UGT1A8: variants seen among roughly 807,000 people sequenced by gnomAD.
The protein encoded by UGT1A8 is UDP-glucuronosyltransferase 1A8.
A neutral mutation model predicts 45.3 loss-of-function variants in UGT1A8; 39 were observed. That is an observed-to-expected ratio of 0.86 (90% CI 0.67 to 1.12). UGT1A8 has a LOEUF of 1.12. Among genes scored for constraint, UGT1A8 ranks in the 50% most tolerant of loss-of-function variants. The pLI, the probability that UGT1A8 is intolerant of heterozygous loss-of-function variation, is 0.00. For synonymous variants in UGT1A8, 275 were observed against 249.2 expected (o/e 1.10, Z -0.97); for missense variants, 719 against 664.9 (o/e 1.08, Z -0.90).
At chr2:233,672,198 G>A (rs200971960) in intron 1 of UGT1A8, 8 of 1,614,126 alleles carry the variant, frequency 5.0e-6, no homozygotes, top group Non-Finnish European at 6.8e-6. Context: ...ATCTGGACCG[G>A]GAGTTCAAGG....
chr2:233,653,700 G>A (rs558191628), intron 1 of UGT1A8, among the ~76,000 whole-genome samples: 106 of 152,282 alleles, frequency 7.0e-4, no homozygotes, highest in African/African-American at 2.5e-3. Flanking sequence ...GAGTTCAAGC[G>A]ATTCTCCTGC....
intron 1 of UGT1A8, chr2:233,692,787 A>C (rs1444664842): frequency 1.5e-6 from 2 of 1,360,804 alleles, no homozygotes; most frequent in Non-Finnish European, 1.9e-6. Context: ...AGCTCAGGTG[A>C]AAGCTGACAC....
intron 1 of UGT1A8, among the ~76,000 whole-genome samples, chr2:233,701,227 A>G (rs1158815086): frequency 1.3e-5 from 2 of 152,172 alleles, no homozygotes; most frequent in African/African-American, 4.8e-5. Flanking sequence ...TCCTTTGGGT[A>G]TATACCCAGT....
intron 1 of UGT1A8, among the ~76,000 whole-genome samples, chr2:233,677,537 GAA>G (rs1343867399): frequency 1.3e-5 from 2 of 151,982 alleles, no homozygotes; most frequent in Admixed American, 1.3e-4. Context: ...GCTAGCTAGA[GAA>G]AAGAAAATGT....
chr2:233,739,185 T>C (rs1265092555), intron 1 of UGT1A8: 3 of 152,264 alleles, frequency 2.0e-5, no homozygotes, highest in Admixed American at 2.0e-4. Context: ...AATGCTTGGA[T>C]GTCCAGGCAG....
chr2:233,723,456 C>T (rs548922303), intron 1 of UGT1A8, among the ~76,000 whole-genome samples: 9 of 138,712 alleles, frequency 6.5e-5, no homozygotes, highest in South Asian at 2.7e-4. Flanking sequence ...GTGATCCACC[C>T]GCCTCAGCCT....
chr2:233,677,263 T>G (rs1468746894), intron 1 of UGT1A8, among the ~76,000 whole-genome samples: 1 of 152,192 alleles, frequency 6.6e-6, no homozygotes, highest in Non-Finnish European at 1.5e-5. Context: ...TATCCCTAAG[T>G]ATATCATGTT....
chr2:233,648,035 G>A (rs1429069514), intron 1 of UGT1A8: 2 of 1,594,736 alleles, frequency 1.3e-6, no homozygotes, highest in Non-Finnish European at 1.7e-6. Context: ...TGGCAACTGG[G>A]AAGATCACTG....
intron 1 of UGT1A8, chr2:233,741,673 T>C (rs1691737205): frequency 6.6e-6 from 1 of 151,938 alleles, no homozygotes; most frequent in Non-Finnish European, 1.5e-5. Context: ...TGCTGTTTAT[T>C]GCTTGGGTGC....
chr2:233,711,509 G>T (rs868625477), intron 1 of UGT1A8, among the ~76,000 whole-genome samples: 1 of 152,158 alleles, frequency 6.6e-6, no homozygotes, highest in Non-Finnish European at 1.5e-5. Flanking sequence ...CCTTTCTAGC[G>T]CTCTGTGTCC....
chr2:233,712,400 T>C (rs967947733), intron 1 of UGT1A8, among the ~76,000 whole-genome samples: 4 of 151,972 alleles, frequency 2.6e-5, no homozygotes, highest in Non-Finnish European at 5.9e-5. Context: ...TCAGAGAGAG[T>C]CCTCTTTGAG....
At chr2:233,727,726 T>C (rs1372996162) in intron 1 of UGT1A8, among the ~76,000 whole-genome samples, 1 of 152,208 alleles carries the variant, frequency 6.6e-6, no homozygotes, top group Admixed American at 6.5e-5. Flanking sequence ...CAGACCTTCC[T>C]TTTCTGTGCC....
At chr2:233,757,130 G>A (rs368401609) in intron 1 of UGT1A8, among the ~76,000 whole-genome samples, 1 of 151,410 alleles carries the variant, frequency 6.6e-6, no homozygotes, top group African/African-American at 2.4e-5. Context: ...GAGGAGGAAT[G>A]AGCTTGGACA....
At chr2:233,694,775 G>A (rs2075240400) in intron 1 of UGT1A8, among the ~76,000 whole-genome samples, 1 of 152,170 alleles carries the variant, frequency 6.6e-6, no homozygotes, top group Admixed American at 6.5e-5. Context: ...CAAGGGTGAG[G>A]GGATGGGGAT....
At chr2:233,656,814 G>A (rs1481619314) in intron 1 of UGT1A8, among the ~76,000 whole-genome samples, 1 of 152,116 alleles carries the variant, frequency 6.6e-6, no homozygotes, top group Non-Finnish European at 1.5e-5. Flanking sequence ...TGTGGGAGAC[G>A]GGCGGCACTT....
At chr2:233,737,753 A>G (rs151132399) in intron 1 of UGT1A8, among the ~76,000 whole-genome samples, 3 of 151,992 alleles carry the variant, frequency 2.0e-5, no homozygotes, top group East Asian at 1.9e-4. Context: ...CAGTTTTTCA[A>G]TGTGAACATA....
chr2:233,693,012 G>T, intron 1 of UGT1A8: 1 of 1,614,130 alleles, frequency 6.2e-7, no homozygotes, highest in Non-Finnish European at 8.5e-7. Context: ...AGGATGGCCT[G>T]CCTCCTTCGC....
intron 1 of UGT1A8, among the ~76,000 whole-genome samples, chr2:233,709,855 C>T (rs774385503): frequency 6.6e-6 from 1 of 152,220 alleles, no homozygotes; most frequent in Non-Finnish European, 1.5e-5. Flanking sequence ...ATTCAAGACA[C>T]GGAGCACTCC....
chr2:233,646,683 T>A (rs946857343), intron 1 of UGT1A8, among the ~76,000 whole-genome samples: 31 of 152,216 alleles, frequency 2.0e-4, no homozygotes, highest in African/African-American at 7.5e-4. Context: ...CATCTCCATT[T>A]GAAACCACCT....
Sources: gnomAD v4.1 joint callset for allele counts (sites outside exome capture counted in the v4.1 genomes callset) on GRCh38, gnomAD v4.1.1 for gene constraint, MANE v1.5 for transcripts, NCBI Gene and HGNC (gene_info 2026-07-23, HGNC 2026-07-21) for gene names.